Variants in HK1 observed in about 807,000 individuals in gnomAD.
HK1 encodes the protein hexokinase-1.
Under a neutral mutation model 91.6 loss-of-function variants are expected in HK1, and 28 were observed. The ratio of observed to expected loss-of-function variants is 0.31; its 90% CI spans 0.23 to 0.42. The LOEUF (loss-of-function observed/expected upper bound fraction) is 0.42, where lower values mean the gene tolerates loss of function less well. Among genes scored for constraint, HK1 ranks in the 10% least tolerant of loss-of-function variants. The pLI is 1.00. For missense variants in HK1, 770 were observed against 1,219.8 expected, an observed-to-expected ratio of 0.63 and a Z score of 5.49; for synonymous variants, 430 against 468.1, an observed-to-expected ratio of 0.92 and a Z score of 1.05.
Position 69,386,387 on chromosome 10 carries a change from CCTTA to C in HK1, c.1907_1910del (p.Leu636Ter), listed in dbSNP as rs747715551. ...GACTGCGTGGGCCACGATGTAGTCACCTTACTAAGGGATGCGATAAAAAGGAGAG... is the reference window on the plus strand; with the variant it reads ...GACTGCGTGGGCCACGATGTAGTCACCTAAGGGATGCGATAAAAAGGAGAG... On this transcript the variant is annotated frameshift_variant, in exon 13 of 18. Coordinates refer to ENST00000359426, the MANE Select transcript of HK1 (RefSeq NM_000188.3). LOFTEE classifies it high-confidence loss of function. 2 of 1,613,732 alleles carry C rather than the reference CCTTA, an allele frequency of 1.2e-6. No homozygotes were observed. The highest frequency in any genetic ancestry group is 1.7e-6 in the Non-Finnish European group (2 of 1,179,700).
At chr10:69,376,814 G>T in intron 7 of HK1, 120 bp from the exon 8 acceptor site, 1 of 1,287,408 alleles carries the variant, frequency 7.8e-7, no homozygotes, top group Non-Finnish European at 1.1e-6. Flanking sequence ...TTGCCTGCCA[G>T]CGAGGCTGGG....
chr10:69,320,492 G>A (rs1221075089), intron 1 of HK1, among the ~76,000 whole-genome samples: 1 of 152,152 alleles, frequency 6.6e-6, no homozygotes, highest in African/African-American at 2.4e-5. Context: ...ACTGACCTGG[G>A]AGCTGTGCGT....
chr10:69,285,341 G>A (rs1244233748), intron 2 of HK1, among the ~76,000 whole-genome samples: 2 of 151,904 alleles, frequency 1.3e-5, no homozygotes, highest in Non-Finnish European at 2.9e-5. Context: ...GGAGAATGGC[G>A]TGCACTCGGG....
chr10:69,307,236 C>T (rs1015964847), intron 5 of HK1, among the ~76,000 whole-genome samples: 2 of 152,134 alleles, frequency 1.3e-5, no homozygotes, highest in Non-Finnish European at 2.9e-5. Flanking sequence ...GAGACATACT[C>T]AGCCCACTCA....
chr10:69,301,493 G>C (rs1845862798), intron 5 of HK1, among the ~76,000 whole-genome samples: 1 of 141,830 alleles, frequency 7.1e-6, no homozygotes, highest in Non-Finnish European at 1.5e-5. Flanking sequence ...AGAATTGCTT[G>C]AACCTGGGAG....
chr10:69,387,930 A>AAAAACAAAAC (rs1029811738), intron 13 of HK1, among the ~76,000 whole-genome samples: 1 of 152,184 alleles, frequency 6.6e-6, no homozygotes, highest in Non-Finnish European at 1.5e-5. Flanking sequence ...AAGAACTTTA[A>AAAAACAAAAC]AAAACAAAAC....
At chr10:69,393,869 G>A (rs1840021885) in intron 15 of HK1, among the ~76,000 whole-genome samples, 1 of 152,162 alleles carries the variant, frequency 6.6e-6, no homozygotes, top group Non-Finnish European at 1.5e-5. Flanking sequence ...ATAGGGTTGA[G>A]ACCCTGTCTC....
At chr10:69,342,190 CAA>C (rs748706945) in intron 1 of HK1, among the ~76,000 whole-genome samples, 4 of 150,134 alleles carry the variant, frequency 2.7e-5, no homozygotes, top group Admixed American at 1.3e-4. Context: ...AACAAACAAA[CAA>C]ACAAAGGAAA....
At chr10:69,368,895 T>G (rs911262785) in intron 5 of HK1, among the ~76,000 whole-genome samples, 1 of 152,030 alleles carries the variant, frequency 6.6e-6, no homozygotes, top group African/African-American at 2.4e-5. Context: ...AGGGAGTGGG[T>G]GTCACGGATG....
At chr10:69,300,442 C>T (rs1193610037) in intron 4 of HK1, 7 of 792,338 alleles carry the variant, frequency 8.8e-6, no homozygotes, top group African/African-American at 1.8e-5. Flanking sequence ...GAAAAAGAAT[C>T]CCAGGATTTT....
chr10:69,398,893 A>T (rs1840262761), intron 17 of HK1, 65 bp downstream of exon 17: 1 of 1,308,420 alleles, frequency 7.6e-7, no homozygotes, highest in Non-Finnish European at 1.1e-6. Flanking sequence ...AGGGGGTATC[A>T]GGGTGTGGTT....
chr10:69,304,920 A>C (rs1244234347), intron 5 of HK1, among the ~76,000 whole-genome samples: 1 of 152,082 alleles, frequency 6.6e-6, no homozygotes, highest in Non-Finnish European at 1.5e-5. Flanking sequence ...GTCCAAATTC[A>C]AGGTGTTGGC....
chr10:69,338,700 T>A, intron 1 of HK1: 8 of 1,274,956 alleles, frequency 6.3e-6, no homozygotes, highest in African/African-American at 1.6e-5. Context: ...TGTGTGTGTG[T>A]GTGTGTGTGT....
Position 69,382,536 on chromosome 10 carries a change from G to A in HK1, c.1315G>A (p.Asp439Asn). Residue 439 changes from aspartate to asparagine, a missense_variant, in exon 10 of 18, where the codon GAT becomes AAT. Around this residue, in one of 7 missense-constraint regions of HK1, gnomAD observed 449 missense variants for 665.1 expected, o/e 0.68. Transcript: ENST00000359426. ...TCTAAGGCGCTTGGTGCCAGACTCCGATGTGCGCTTCCTCCTCTCGGAGAG... is the reference window on the plus strand; with the variant it reads ...TCTAAGGCGCTTGGTGCCAGACTCCAATGTGCGCTTCCTCCTCTCGGAGAG... ...KTLRRLVPDS[D>N]VRFLLSESGS... 5 of 1,614,200 alleles carry A rather than the reference G, an allele frequency of 3.1e-6. No individual in the cohort carries two copies. The highest frequency in any genetic ancestry group is 1.1e-5 in the South Asian group (1 of 91,086).
At chr10:69,368,661 C>T in intron 5 of HK1, 30 bp downstream of exon 5, 1 of 1,550,274 alleles carries the variant, frequency 6.5e-7, no homozygotes, top group South Asian at 1.1e-5. Context: ...CTGCCTCAGC[C>T]ATGCAGGGGT....
At chr10:69,332,257 T>C (rs1847764703) in intron 1 of HK1, among the ~76,000 whole-genome samples, 1 of 152,176 alleles carries the variant, frequency 6.6e-6, no homozygotes, top group Admixed American at 6.5e-5. Flanking sequence ...AGTTTCCTCA[T>C]GTGTAAGCCA....
chr10:69,360,341 C>T (rs1849355074), intron 3 of HK1, among the ~76,000 whole-genome samples: 1 of 152,198 alleles, frequency 6.6e-6, no homozygotes, highest in South Asian at 2.1e-4. Flanking sequence ...TGGGTAAATG[C>T]ACTCATTCCC....
intron 1 of HK1, among the ~76,000 whole-genome samples, chr10:69,276,118 A>AAAAAAATATATATATATAAAT: frequency 2.6e-5 from 1 of 38,262 alleles, no homozygotes; most frequent in Admixed American, 5.6e-4. Flanking sequence ...AAAAAAAAAA[A>AAAAAAATATATATATATAAAT]ATACATATAT....
In HK1 at chr10:69,380,414, G is replaced by A. The variant is rs1047633656; in HGVS notation, c.1265+319G>A. Among the ~76,000 whole-genome samples, 4 of 152,176 alleles carry A rather than the reference G, an allele frequency of 2.6e-5. No individual in the cohort carries two copies. The highest frequency in any genetic ancestry group is 4.4e-5 in the Non-Finnish European group (3 of 68,032). ...GAAGTATCGCCCTTAGTCGATTCTTGCTGGTATTGCTTCTGCACTCTGTCG... is the reference window on the plus strand; with the variant it reads ...GAAGTATCGCCCTTAGTCGATTCTTACTGGTATTGCTTCTGCACTCTGTCG... On this transcript the variant is annotated intron_variant, in intron 9 of 17. Coordinates refer to ENST00000359426, the MANE Select transcript of HK1 (RefSeq NM_000188.3). This position sits in a 1 kb window ranked among gnomAD's most constrained non-coding sequence, Gnocchi z 4.0.
Sources: allele counts gnomAD v4.1 joint callset (sites outside exome capture counted in the v4.1 genomes callset), GRCh38; gene constraint gnomAD v4.1.1; regional missense constraint gnomAD v4.1.1; non-coding constraint Gnocchi (gnomAD v3.1); transcripts MANE v1.5; gene names NCBI Gene and HGNC (gene_info 2026-07-23, HGNC 2026-07-21).